Variants in NOL10 observed in about 807,000 individuals in gnomAD.
The protein encoded by NOL10 is nucleolar protein 10, also known as H_NH0074G24.1.
In NOL10, 58 loss-of-function variants were observed where a neutral mutation model predicts 103.5. That is an observed-to-expected ratio of 0.56 (90% CI 0.45 to 0.70). The LOEUF (loss-of-function observed/expected upper bound fraction) is 0.70. Among genes scored for constraint, NOL10 ranks in the 30% least tolerant of loss-of-function variants. The pLI is 0.00. For synonymous variants in NOL10, 287 were observed against 282.5 expected (o/e 1.02, Z -0.16); for missense variants, 763 against 807.3 (o/e 0.95, Z 0.67).
intron 20 of NOL10, among the ~76,000 whole-genome samples, chr2:10,573,280 G>T (rs1168570907): frequency 1.3e-5 from 2 of 152,050 alleles, no homozygotes; most frequent in Non-Finnish European, 2.9e-5. Context: ...TGCAACCTCT[G>T]CCTCCCGGAT....
At position 10,659,778 on chromosome 2, in the gene NOL10, A is replaced by AT. The variant is rs149037687; in HGVS notation, c.678-529dup. Reference sequence around the variant, plus strand: ...TACAAAACGTAATCTACTTTCTTCCATTTTAATTAAGCCAGAATAAGGTAT... The same window carrying AT: ...TACAAAACGTAATCTACTTTCTTCCATTTTTAATTAAGCCAGAATAAGGTAT... On this transcript the variant is annotated intron_variant, in intron 9 of 20. Coordinates refer to ENST00000381685, the MANE Select transcript of NOL10 (RefSeq NM_024894.4). Among the ~76,000 whole-genome samples the AT allele has an allele frequency of 6.2e-3, 939 of 152,292 alleles. 10 individuals carry two copies. The highest frequency in any genetic ancestry group is 0.021 in the African/African-American group (890 of 41,550).
chr2:10,661,474 C>T (rs1385554662), intron 9 of NOL10, among the ~76,000 whole-genome samples: 1 of 146,088 alleles, frequency 6.8e-6, no homozygotes, highest in African/African-American at 2.5e-5. Flanking sequence ...CGGGTTCAGG[C>T]GATTCTCCTG....
intron 2 of NOL10, among the ~76,000 whole-genome samples, chr2:10,684,257 T>C (rs1681991120): frequency 7.5e-6 from 1 of 134,160 alleles, no homozygotes; most frequent in Non-Finnish European, 1.6e-5. Context: ...GCCTGGGCAA[T>C]AAGAGTGAAA....
In NOL10 at chr2:10,644,380, T is replaced by C. The variant is rs1290108657; in HGVS notation, c.974-8A>G. The C allele has an allele frequency of 3.3e-6, 5 of 1,530,260 alleles. No individual in the cohort carries two copies. Among genetic ancestry groups the C allele is most frequent in the Non-Finnish European group, 4.4e-6 (5 of 1,139,884 alleles). 94.8% of individuals were successfully genotyped at this position (1,530,260 alleles called of 1,614,324 possible). A position where few individuals can be genotyped will look rare whatever the true frequency, so the allele number is the denominator to read the frequency against. On this transcript the variant is annotated splice_polypyrimidine_tract_variant and splice_region_variant and intron_variant, in intron 12 of 20. Coordinates refer to ENST00000381685, the MANE Select transcript of NOL10 (RefSeq NM_024894.4). The stretch of plus-strand genomic sequence containing the variant: ...TGGCCGTCAGAAGCATGCCTAAAAA[T>C]AAATACAATGAAAAAGGTCAATGCA...
At chr2:10,652,328 C>CACCA (rs1679527250) in intron 12 of NOL10, among the ~76,000 whole-genome samples, 2 of 151,678 alleles carry the variant, frequency 1.3e-5, no homozygotes, top group African/African-American at 4.8e-5. Flanking sequence ...CTCTGCCACA[C>CACCA]ACCAGCTGGG....
At chr2:10,574,457 C>T (rs144121485) in intron 20 of NOL10, among the ~76,000 whole-genome samples, 6 of 152,274 alleles carry the variant, frequency 3.9e-5, no homozygotes, top group African/African-American at 1.4e-4. Flanking sequence ...ATCATCCTGG[C>T]TAACACGGTG....
At chr2:10,663,212 CA>C (rs1281780241) in intron 8 of NOL10, among the ~76,000 whole-genome samples, 168 bp from the exon 9 acceptor site, 1 of 151,918 alleles carries the variant, frequency 6.6e-6, no homozygotes, top group Admixed American at 6.6e-5. Context: ...ACTAAAAATA[CA>C]AAAAATTAGC....
Position 10,574,596 on chromosome 2 carries a change from G to A in NOL10, c.1948-2406C>T, listed in dbSNP as rs188078109. Among the ~76,000 whole-genome samples the A allele has an allele frequency of 6.3e-4, 94 of 148,584 alleles. 1 individual carries two copies. In the Middle Eastern group the frequency reaches 0.014, roughly 23 times the overall value. On this transcript the variant is annotated intron_variant, in intron 20 of 20. Coordinates refer to ENST00000381685, the MANE Select transcript of NOL10 (RefSeq NM_024894.4). ...CGGGAGGTGGAGCGTGCATTGAGCA[G>A]AGATGGTGCCACTGCACTCCAGCCT...
intron 9 of NOL10, among the ~76,000 whole-genome samples, chr2:10,660,017 C>A (rs1198800308): frequency 6.6e-6 from 1 of 152,114 alleles, no homozygotes; most frequent in Non-Finnish European, 1.5e-5. Flanking sequence ...ACAATCAGCA[C>A]CAAAAGCAAT....
intron 13 of NOL10, among the ~76,000 whole-genome samples, chr2:10,620,235 A>G (rs572893841): frequency 6.6e-6 from 1 of 152,292 alleles, no homozygotes; most frequent in African/African-American, 2.4e-5. Flanking sequence ...TTTTCTGCAT[A>G]TTCTTATTGC....
intron 17 of NOL10, among the ~76,000 whole-genome samples, chr2:10,595,598 GTTTTTGT>G (rs1558277573): frequency 1.2e-4 from 9 of 78,242 alleles, no homozygotes; most frequent in African/African-American, 3.9e-4. Flanking sequence ...GTTTTGTTTT[GTTTTTGT>G]TTGTTTGTTT....
At chr2:10,646,734 A>AC (rs1291336740) in intron 12 of NOL10, among the ~76,000 whole-genome samples, 2 of 152,236 alleles carry the variant, frequency 1.3e-5, no homozygotes, top group African/African-American at 4.8e-5. Context: ...CAGGGCCACC[A>AC]CATAGCTAGT....
At chr2:10,661,644 T>G (rs572179973) in intron 9 of NOL10, among the ~76,000 whole-genome samples, 1 of 152,292 alleles carries the variant, frequency 6.6e-6, no homozygotes, top group East Asian at 1.9e-4. Flanking sequence ...GTGCTGGGAT[T>G]ACAGGTGTGA....
intron 4 of NOL10, among the ~76,000 whole-genome samples, chr2:10,673,775 T>C (rs1274658505): frequency 6.6e-6 from 1 of 152,168 alleles, no homozygotes; most frequent in Non-Finnish European, 1.5e-5. Flanking sequence ...ATCAACTAGA[T>C]TTCTTGTAGA....
chr2:10,645,962 CA>C (rs1408693420), intron 12 of NOL10, among the ~76,000 whole-genome samples: 1 of 151,716 alleles, frequency 6.6e-6, no homozygotes, highest in African/African-American at 2.4e-5. Flanking sequence ...CACACACACA[CA>C]CACACCCCGT....
rs1324723685 is a variant in NOL10, at chr2:10,675,790, T to C, written c.289+4A>G. 6.6e-7 allele frequency: 1 copy of C among 1,518,840 alleles called. No homozygotes were observed. Among genetic ancestry groups the C allele is most frequent in the African/African-American group, 1.4e-5 (1 of 72,576 alleles). 94.1% of individuals were successfully genotyped at this position (1,518,840 alleles called of 1,614,324 possible). ...CATGAATTCAAATTTAGCTTTTTAC[T>C]CACCTTCTGAATCTAAACACCTTTC... On this transcript the variant is annotated splice_donor_region_variant and intron_variant, in intron 4 of 20. Transcript: ENST00000381685.
At chr2:10,670,786 A>G (rs918926474) in intron 6 of NOL10, among the ~76,000 whole-genome samples, 10 of 152,110 alleles carry the variant, frequency 6.6e-5, no homozygotes, top group African/African-American at 2.4e-4. Context: ...AACAAAACAA[A>G]AAGACATGGG....
chr2:10,661,611 T>C (rs981281815), intron 9 of NOL10, among the ~76,000 whole-genome samples: 2 of 152,128 alleles, frequency 1.3e-5, no homozygotes, highest in Non-Finnish European at 2.9e-5. Flanking sequence ...CCTCAAGTGA[T>C]CCTCCAGCTT....
Position 10,663,062 on chromosome 2 carries a change from A to G in NOL10, c.592-18T>C. ...ACTCTACCCTATGCAAATGAAAAACAATTTTAAATAAAAGCTGTAGAAGGC... is the reference window on the plus strand; with the variant it reads ...ACTCTACCCTATGCAAATGAAAAACGATTTTAAATAAAAGCTGTAGAAGGC... On this transcript the variant is annotated intron_variant, in intron 8 of 20. Coordinates refer to ENST00000381685, the MANE Select transcript of NOL10 (RefSeq NM_024894.4). 1.2e-6 allele frequency: 2 copies of G among 1,606,814 alleles called. No homozygotes were observed. The highest frequency in any genetic ancestry group is 1.7e-6 in the Non-Finnish European group (2 of 1,173,744).
Sources: gnomAD v4.1 joint callset for allele counts (sites outside exome capture counted in the v4.1 genomes callset) on GRCh38, gnomAD v4.1.1 for gene constraint, MANE v1.5 for transcripts, NCBI Gene and HGNC (gene_info 2026-07-23, HGNC 2026-07-21) for gene names.